The following DGKZ variants were observed in gnomAD, a reference collection of about 807,000 sequenced individuals.
DGKZ encodes the protein DAG kinase zeta.
Under a neutral mutation model 142.5 loss-of-function variants are expected in DGKZ, and 45 were observed. That is an observed-to-expected ratio of 0.32 (90% CI 0.25 to 0.40). The LOEUF is 0.40. Among genes scored for constraint, DGKZ ranks in the 10% least tolerant of loss-of-function variants. The pLI is 1.00. For synonymous variants in DGKZ, 442 were observed against 527.0 expected (o/e 0.84, Z 2.21); for missense variants, 755 against 1,306.5 (o/e 0.58, Z 6.51).
chr11:46,350,547 G>T (rs1057396924), intron 1 of DGKZ, among the ~76,000 whole-genome samples: 1 of 151,984 alleles, frequency 6.6e-6, no homozygotes, highest in Admixed American at 6.5e-5. Context: ...GGGTTGAGGG[G>T]CCCGACGGGA....
chr11:46,375,891 C>T (rs1351217321), exon 21 of DGKZ: 11 of 1,583,024 alleles, frequency 6.9e-6, no homozygotes, highest in East Asian at 4.6e-5. Flanking sequence ...CCAGGTGAGT[C>T]GCGTCAGCAT....
At chr11:46,342,275 C>A (rs541607432) in intron 1 of DGKZ, among the ~76,000 whole-genome samples, 34 of 152,292 alleles carry the variant, frequency 2.2e-4, no homozygotes, top group Admixed American at 1.9e-3. Flanking sequence ...GTCCTCCCCA[C>A]CCCACCTGGA....
In DGKZ at chr11:46,357,690, C is replaced by T. The variant is rs565573969; in HGVS notation, c.162-9601C>T. Among the ~76,000 whole-genome samples, 6 of 152,340 alleles carry T rather than the reference C, an allele frequency of 3.9e-5. No individual in the cohort carries two copies. The East Asian group carries it at 5.8e-4, about 15-fold the overall frequency. ...CTGGCCCCGGCCCCCCAGGAGCTCG[C>T]GGTCTGGTGGAGGAGCAGGCATGTG... On this transcript the variant is annotated intron_variant, in intron 1 of 30. Coordinates refer to ENST00000527911, the Ensembl canonical transcript of DGKZ.
chr11:46,378,671 C>G, intron 27 of DGKZ, 171 bp downstream of exon 27: 3 of 979,550 alleles, frequency 3.1e-6, no homozygotes, highest in Non-Finnish European at 3.1e-6. Context: ...GTATCTCTGT[C>G]TAGGCCACAA....
chr11:46,375,251 C>T (rs1484672683), intron 19 of DGKZ, among the ~76,000 whole-genome samples, 181 bp from the exon 20 acceptor site: 1 of 152,188 alleles, frequency 6.6e-6, no homozygotes, highest in Non-Finnish European at 1.5e-5. Flanking sequence ...GGAGCGTCAC[C>T]CTCATTGCCT....
At chr11:46,375,281 C>T (rs1590625159) in intron 19 of DGKZ, 151 bp from the exon 20 acceptor site, 5 of 927,234 alleles carry the variant, frequency 5.4e-6, no homozygotes, top group Non-Finnish European at 4.8e-6. Flanking sequence ...CCCTTTCCTA[C>T]CTGGGGTCTC....
chr11:46,379,547 G>C (rs1472696975), exon 30 of DGKZ: 7 of 1,610,182 alleles, frequency 4.3e-6, no homozygotes, highest in Non-Finnish European at 5.9e-6. Flanking sequence ...CCGGGGCCTC[G>C]CTCATGAAGA....
rs1565051256 is a variant in DGKZ at position 46,367,915 on chromosome 11, GC to G, written c.367-86del. The G allele has an allele frequency of 6.5e-7, 1 of 1,543,576 alleles. No individual in the cohort carries two copies. Among genetic ancestry groups the G allele is most frequent in the Non-Finnish European group, 9.0e-7 (1 of 1,116,996 alleles). On this transcript the variant is annotated intron_variant, in intron 3 of 30. Coordinates refer to ENST00000527911, the Ensembl canonical transcript of DGKZ. This position sits in a 1 kb window ranked among gnomAD's most constrained non-coding sequence, Gnocchi z 4.1. ...GATGCCAGGACTGGGGCTTCCCAGT[GC>G]ACACAAAGGGCAGCTGTGCTGGGGC... is the stretch of plus-strand genomic sequence containing the variant.
At position 46,379,243 on chromosome 11, in the gene DGKZ, A is replaced by G; in HGVS notation, c.2573+7A>G. 6.2e-7 allele frequency: 1 copy of G among 1,603,706 alleles called. No homozygotes were observed. The highest frequency in any genetic ancestry group is 2.2e-5 in the East Asian group (1 of 44,882). On this transcript the variant is annotated splice_region_variant and intron_variant, in intron 29 of 30. Transcript: ENST00000527911. ...TTGATGCGGTGGAGGAAAAGTAAGT[A>G]TCTGGGCAGTGCAGAACCGTGGTCA...
intron 1 of DGKZ, chr11:46,365,918 G>A: frequency 8.1e-6 from 8 of 985,440 alleles, no homozygotes; most frequent in Non-Finnish European, 9.6e-6. Context: ...TCTGGTGCCT[G>A]GATGGGGGAA....
At chr11:46,376,100 C>G in exon 22 of DGKZ, 1 of 1,611,718 alleles carries the variant, frequency 6.2e-7, no homozygotes, top group Non-Finnish European at 8.5e-7. Context: ...TCCCAGGAGA[C>G]AGTGACCTAG....
chr11:46,374,011 G>T (rs1944271507), intron 14 of DGKZ, 146 bp from the exon 15 acceptor site: 3 of 801,602 alleles, frequency 3.7e-6, no homozygotes, highest in East Asian at 5.3e-5. Context: ...CTGACAGCGG[G>T]TGAGCTGGGC....
At position 46,367,453 on chromosome 11, in the gene DGKZ, G is replaced by T. The variant is rs1013269703; in HGVS notation, c.270+54G>T. ...GACCCTCTGGGCTCTTGGCCAAGGC[G>T]CAGCTGGCGGGTGGAGGCACTAAAG... On this transcript the variant is annotated intron_variant, in intron 2 of 30. Coordinates refer to ENST00000527911, the Ensembl canonical transcript of DGKZ. The surrounding 1 kb of genome is among the most constrained non-coding windows in gnomAD (Gnocchi z 4.1). 1.3e-5 allele frequency: 20 copies of T among 1,571,890 alleles called. No homozygotes were observed. Among genetic ancestry groups the T allele is most frequent in the African/African-American group, 2.7e-5 (2 of 73,926 alleles).
chr11:46,376,424 T>A, intron 23 of DGKZ, 27 bp downstream of exon 23: 1 of 1,614,056 alleles, frequency 6.2e-7, no homozygotes. Flanking sequence ...GGTGCCAAGC[T>A]GTTTCGTGTT....
upstream of DGKZ, chr11:46,345,353 C>A (rs757916298): frequency 3.8e-5 from 53 of 1,394,248 alleles, no homozygotes; most frequent in Non-Finnish European, 4.3e-5. The surrounding 1 kb of genome is among the most constrained non-coding windows in gnomAD (Gnocchi z 4.1). Flanking sequence ...GCAGGCCCCC[C>A]CCTCGACCCC....
chr11:46,374,825 C>G lies in DGKZ; in HGVS notation c.1584C>G (p.Phe528Leu), dbSNP rs769861628. The G allele has an allele frequency of 2.5e-6, 4 of 1,595,666 alleles. No individual in the cohort carries two copies. In the African/African-American group the frequency reaches 5.4e-5, roughly 21 times the overall value. ...ACCTGAAACCCCAGTGTGTTGTTTTCCTGAACATCCCCAGGTGAGGAGGGG... is the reference window on the plus strand; with the variant it reads ...ACCTGAAACCCCAGTGTGTTGTTTTGCTGAACATCCCCAGGTGAGGAGGGG... The change falls in exon 18 of 31, where the codon TTC (phenylalanine) becomes TTG (leucine). Residue 528 changes from phenylalanine to leucine, a missense_variant. This residue lies in a region of DGKZ where 191 missense variants were observed against 472.1 expected (regional missense o/e 0.40). Transcript: ENST00000527911.
rs201606048 is a variant in DGKZ, at chr11:46,377,023, G to A, written c.2203-50G>A. On this transcript the variant is annotated intron_variant, in intron 24 of 30. Coordinates refer to ENST00000527911, the Ensembl canonical transcript of DGKZ. ...AGGTCTACCAGCCTTGCTGCCCCTCGGCCCCCACCGTCAGGTGCCCTGACC... is the reference window on the plus strand; with the variant it reads ...AGGTCTACCAGCCTTGCTGCCCCTCAGCCCCCACCGTCAGGTGCCCTGACC... 102 of 1,538,932 alleles carry A rather than the reference G, an allele frequency of 6.6e-5. No homozygotes were observed. The highest frequency in any genetic ancestry group is 5.4e-5 in the African/African-American group (4 of 73,462).
rs758918247 is a variant in DGKZ at position 46,367,814 on chromosome 11, G to A, written c.366+67G>A. 3 of 1,594,002 alleles carry A rather than the reference G, an allele frequency of 1.9e-6. No individual in the cohort carries two copies. The highest frequency in any genetic ancestry group is 1.3e-5 in the African/African-American group (1 of 74,546). ...CAGTAGCCGCAGCCCTTCCGGGAACGTGGGATTGAGCCCGCTCCCTGGCAC... is the reference window on the plus strand; with the variant it reads ...CAGTAGCCGCAGCCCTTCCGGGAACATGGGATTGAGCCCGCTCCCTGGCAC... On this transcript the variant is annotated intron_variant, in intron 3 of 30. Transcript: ENST00000527911. This position sits in a 1 kb window ranked among gnomAD's most constrained non-coding sequence, Gnocchi z 4.1.
intron 1 of DGKZ, among the ~76,000 whole-genome samples, chr11:46,358,028 A>C (rs779742536): frequency 6.6e-6 from 1 of 152,210 alleles, no homozygotes; most frequent in Non-Finnish European, 1.5e-5. Flanking sequence ...TTCACTCTGA[A>C]TCAGTGGTCT....
Sources: gnomAD v4.1 joint callset for allele counts (sites outside exome capture counted in the v4.1 genomes callset) on GRCh38, gnomAD v4.1.1 for gene constraint, gnomAD v4.1.1 regional missense constraint, Gnocchi (gnomAD v3.1) non-coding constraint, MANE v1.5 for transcripts, NCBI Gene and HGNC (gene_info 2026-07-23, HGNC 2026-07-21) for gene names.